CPS1: variants seen among roughly 807,000 people sequenced by gnomAD.
CPS1 encodes the protein carbamoyl-phosphate synthase [ammonia], mitochondrial.
A neutral mutation model predicts 174.6 loss-of-function variants in CPS1; 109 were observed. The ratio of observed to expected loss-of-function variants is 0.62; its 90% CI spans 0.53 to 0.73. The LOEUF (loss-of-function observed/expected upper bound fraction) is 0.73, where lower values mean the gene tolerates loss of function less well. CPS1 is among the 30% of genes least tolerant of loss of function. The pLI, the probability that CPS1 is intolerant of heterozygous loss-of-function variation, is 0.00. For synonymous variants in CPS1, 637 were observed against 632.0 expected (o/e 1.01, Z -0.12); for missense variants, 1,689 against 1,821.9 (o/e 0.93, Z 1.33).
intron 1 of CPS1, among the ~76,000 whole-genome samples, chr2:210,503,361 C>T (rs751733583): frequency 2.6e-5 from 4 of 152,166 alleles, no homozygotes; most frequent in Admixed American, 2.6e-4. Flanking sequence ...TTTTGCTTGA[C>T]AAGTTGATAG....
chr2:210,556,264 T>C, upstream of CPS1: 1 of 442,740 alleles, frequency 2.3e-6, no homozygotes, highest in South Asian at 1.6e-5. Context: ...TCAGCTTTCT[T>C]TGGGAATCCA....
At chr2:210,516,515 C>T (rs1695686030) in intron 1 of CPS1, among the ~76,000 whole-genome samples, 1 of 151,876 alleles carries the variant, frequency 6.6e-6, no homozygotes, top group South Asian at 2.1e-4. Flanking sequence ...TTCCTATGTG[C>T]TCTTCTCTTT....
At chr2:210,566,073 C>G (rs76207001) in intron 1 of CPS1, among the ~76,000 whole-genome samples, 405 of 152,282 alleles carry the variant, frequency 2.7e-3, no homozygotes, top group African/African-American at 9.4e-3. Flanking sequence ...CCAGGCCTAA[C>G]TTAGACACTG....
intron 1 of CPS1, among the ~76,000 whole-genome samples, chr2:210,483,780 G>T (rs971419062): frequency 6.6e-6 from 1 of 152,130 alleles, no homozygotes; most frequent in Non-Finnish European, 1.5e-5. Flanking sequence ...ACATCTGTCT[G>T]CAAAAATCAC....
chr2:210,619,110 A>T (rs1286571783), intron 21 of CPS1: 1 of 152,086 alleles, frequency 6.6e-6, no homozygotes, highest in Non-Finnish European at 1.5e-5. Context: ...TACTTTTCAT[A>T]GAGATCCTTG....
intron 1 of CPS1, among the ~76,000 whole-genome samples, chr2:210,526,097 C>G (rs1277369152): frequency 6.6e-6 from 1 of 151,772 alleles, no homozygotes; most frequent in Non-Finnish European, 1.5e-5. Flanking sequence ...ATGGATGAAG[C>G]TGAAAACCAT....
At chr2:210,482,691 A>C (rs2105942041) in intron 1 of CPS1, among the ~76,000 whole-genome samples, 1 of 152,194 alleles carries the variant, frequency 6.6e-6, no homozygotes, top group Non-Finnish European at 1.5e-5. Flanking sequence ...AGAGAGAGAG[A>C]GAGAGCACAA....
chr2:210,489,795 G>A (rs548108048), intron 1 of CPS1, among the ~76,000 whole-genome samples: 1 of 152,144 alleles, frequency 6.6e-6, no homozygotes, highest in African/African-American at 2.4e-5. Flanking sequence ...TCAGGAGATC[G>A]AGACCATCCT....
intron 25 of CPS1, among the ~76,000 whole-genome samples, chr2:210,642,882 A>G (rs1363904069): frequency 6.6e-6 from 1 of 152,200 alleles, no homozygotes; most frequent in African/African-American, 2.4e-5. Flanking sequence ...ATTATTTTTC[A>G]CATAAAGTTT....
chr2:210,640,162 G>A (rs973501811), intron 24 of CPS1, 103 bp downstream of exon 24: 2 of 816,110 alleles, frequency 2.5e-6, no homozygotes, highest in East Asian at 5.2e-5. Flanking sequence ...AATAAATGCT[G>A]TAATATATGT....
chr2:210,573,653 A>G (rs1439378723), intron 2 of CPS1, among the ~76,000 whole-genome samples: 3 of 152,060 alleles, frequency 2.0e-5, no homozygotes, highest in South Asian at 2.1e-4. Context: ...AAAGAACAAA[A>G]TGAATTCTAG....
intron 1 of CPS1, among the ~76,000 whole-genome samples, chr2:210,502,519 A>G (rs894192561): frequency 6.7e-6 from 1 of 148,858 alleles, no homozygotes; most frequent in African/African-American, 2.4e-5. Context: ...TTTTATATAT[A>G]TATACACACA....
At chr2:210,595,699 T>C (rs930888733) in intron 13 of CPS1, 117 bp downstream of exon 13, 127 of 761,552 alleles carry the variant, frequency 1.7e-4, no homozygotes, top group Non-Finnish European at 2.5e-4. Context: ...ATTATTTTCC[T>C]TAACTGTGCC....
rs568537454 is a variant in CPS1 at position 210,478,202 on chromosome 2, C to G, written c.3+436C>G. On this transcript the variant is annotated intron_variant, in intron 1 of 38. Coordinates refer to the CPS1 transcript ENST00000430249. The stretch of plus-strand genomic sequence containing the variant: ...ACTGCTGGACTAGTTTATATTCCCT[C>G]TAACAGTATCTATTGTTCACTCCAA... 1.1e-4 allele frequency among the ~76,000 whole-genome samples: 17 copies of G among 152,332 alleles called. No homozygotes were observed. The East Asian group carries it at 3.3e-3, about 29-fold the overall frequency.
At chr2:210,505,066 T>A (rs527915791) in intron 1 of CPS1, among the ~76,000 whole-genome samples, 3 of 152,028 alleles carry the variant, frequency 2.0e-5, no homozygotes, top group Admixed American at 6.5e-5. Flanking sequence ...CACCACACAC[T>A]CTGCCTAAGA....
chr2:210,630,303 G>T (rs956968914), intron 21 of CPS1, among the ~76,000 whole-genome samples: 1 of 151,948 alleles, frequency 6.6e-6, no homozygotes, highest in Admixed American at 6.5e-5. Context: ...TTAAAGATTA[G>T]CAAAAAAGAA....
At chr2:210,552,421 A>AT (rs1696755094), upstream of CPS1, among the ~76,000 whole-genome samples, 1 of 151,894 alleles carries the variant, frequency 6.6e-6, no homozygotes, top group Non-Finnish European at 1.5e-5. Flanking sequence ...TCATTCAGTC[A>AT]TTTTTCCAGA....
intron 22 of CPS1, among the ~76,000 whole-genome samples, chr2:210,638,391 A>AT (rs140668727): frequency 0.028 from 4,202 of 151,528 alleles, 213 homozygotes; most frequent in African/African-American, 0.096. Context: ...TGCTGTTGTG[A>AT]TTTTTTTTCC....
chr2:210,565,934 C>T (rs983764901), intron 1 of CPS1, among the ~76,000 whole-genome samples: 2 of 152,180 alleles, frequency 1.3e-5, no homozygotes, highest in Non-Finnish European at 2.9e-5. Context: ...GGATCAGCAT[C>T]TGTGAAGCTT....
Sources: allele counts gnomAD v4.1 joint callset (sites outside exome capture counted in the v4.1 genomes callset), GRCh38; gene constraint gnomAD v4.1.1; transcripts MANE v1.5; gene names NCBI Gene and HGNC (gene_info 2026-07-23, HGNC 2026-07-21).